SLC17A9: variants seen among roughly 807,000 people sequenced by gnomAD.
SLC17A9 encodes the protein voltage-gated purine nucleotide uniporter SLC17A9.
SLC17A9 carries 49 observed loss-of-function variants against 55.0 expected under a neutral mutation model. The observed-to-expected ratio is 0.89, with a 90% CI of 0.71 to 1.13. The LOEUF (loss-of-function observed/expected upper bound fraction) is 1.13, where lower values mean the gene tolerates loss of function less well. Among genes scored for constraint, SLC17A9 ranks in the 50% most tolerant of loss-of-function variants. The pLI, the probability that SLC17A9 is intolerant of heterozygous loss-of-function variation, is 0.00. For missense variants in SLC17A9, 526 were observed against 569.3 expected, an observed-to-expected ratio of 0.92 and a Z score of 0.77; for synonymous variants, 256 against 247.4, an observed-to-expected ratio of 1.03 and a Z score of -0.32.
Position 62,965,153 on chromosome 20 carries a change from G to C in SLC17A9, c.932G>C (p.Arg311Pro). 6.2e-7 allele frequency: 1 copy of C among 1,614,100 alleles called. No individual in the cohort carries two copies. The highest frequency in any genetic ancestry group is 8.5e-7 in the Non-Finnish European group (1 of 1,180,028). ...GTAGGTTACAGAGCCATCACGGTGC[G>C]GAAGCTCATGCAGGTAGGAGAATCA... is the stretch of plus-strand genomic sequence containing the variant. ...INQGYRAITV[R>P]KLMQGMGLGL... The change falls in exon 9 of 13, where the codon CGG becomes CCG. Residue 311 changes from arginine (R) to proline (P), a missense_variant. Physicochemically the swap from Arg to Pro is moderately radical, Grantham distance 103. Coordinates refer to ENST00000370351, the MANE Select transcript of SLC17A9 (RefSeq NM_022082.4).
chr20:62,966,370 G>A (rs1349731396), intron 10 of SLC17A9, among the ~76,000 whole-genome samples, 155 bp from the exon 11 acceptor site: 4 of 152,064 alleles, frequency 2.6e-5, no homozygotes, highest in African/African-American at 9.7e-5. Context: ...GTGGTGTGCA[G>A]GGCTGCAGTG....
At chr20:62,955,463 T>G (rs544019588) in intron 1 of SLC17A9, among the ~76,000 whole-genome samples, 13 of 151,446 alleles carry the variant, frequency 8.6e-5, no homozygotes, top group East Asian at 3.9e-4. Context: ...ATTTTTAAAG[T>G]TTTTTTTTGT....
Position 62,967,609 on chromosome 20 carries a change from G to C in SLC17A9, c.*109G>C. 3 of 977,070 alleles carry C rather than the reference G, an allele frequency of 3.1e-6. No individual in the cohort carries two copies. The allele number at this position is 977,070 out of a possible 1,614,324, so 60.5% of individuals were successfully genotyped here. On this transcript the variant is annotated 3_prime_UTR_variant, in exon 13 of 13. Coordinates refer to ENST00000370351, the MANE Select transcript of SLC17A9 (RefSeq NM_022082.4). ...CCATGTCAGACACACGAGCAGAGAG[G>C]AACACAAACCACTGTGGAGCCTGAA...
chr20:62,954,454 C>CGG (rs2065518672), intron 1 of SLC17A9, among the ~76,000 whole-genome samples: 1 of 152,242 alleles, frequency 6.6e-6, no homozygotes, highest in Non-Finnish European at 1.5e-5. Context: ...TGCTTCTGCA[C>CGG]AGGGGCCGTT....
intron 11 of SLC17A9, 47 bp downstream of exon 11, chr20:62,966,627 G>A: frequency 6.2e-7 from 1 of 1,613,824 alleles, no homozygotes; most frequent in Non-Finnish European, 8.5e-7. Flanking sequence ...TGGGCCTCCG[G>A]GTGGGTGAGC....
intron 4 of SLC17A9, 41 bp downstream of exon 4, chr20:62,960,644 G>T: frequency 6.4e-7 from 1 of 1,573,452 alleles, no homozygotes. Flanking sequence ...GAGGCCACCA[G>T]GTGAGCCCCT....
Position 62,956,805 on chromosome 20 carries a change from A to C in SLC17A9, c.100A>C (p.Thr34Pro). 1 of 1,612,866 alleles carries C rather than the reference A, an allele frequency of 6.2e-7. No homozygotes were observed. Among genetic ancestry groups the C allele is most frequent in the Non-Finnish European group, 8.5e-7 (1 of 1,179,926 alleles). Residue 34 changes from threonine to proline, a missense_variant, in exon 2 of 13, where the codon ACA (threonine) becomes CCA (proline). Physicochemically the swap from Thr to Pro is conservative, Grantham distance 38. Coordinates refer to ENST00000370351, the MANE Select transcript of SLC17A9 (RefSeq NM_022082.4). ...QAWTGTLLLG[T>P]CLLYCARSSM... is the part of the protein sequence containing the mutation. The stretch of plus-strand genomic sequence containing the variant: ...ATGGACGGGGACGCTGCTGCTGGGC[A>C]CATGCCTTCTGTACTGCGCCCGCTC...
In SLC17A9 at chr20:62,966,543, C is replaced by A; in HGVS notation, c.1080C>A (p.Ile360=). The A allele has an allele frequency of 6.2e-7, 1 of 1,614,078 alleles. No individual in the cohort carries two copies. ...CCCACAGTGGCATTTCTGTTAACATCCAGGACTTGGCCCCGTCCTGCGCCG... is the reference window on the plus strand; with the variant it reads ...CCCACAGTGGCATTTCTGTTAACATACAGGACTTGGCCCCGTCCTGCGCCG... ...TFNHSGISVN[I]QDLAPSCAGF... Residue 360 remains isoleucine, a synonymous_variant, in exon 11 of 13, where the codon ATC becomes ATA. Coordinates refer to ENST00000370351, the MANE Select transcript of SLC17A9 (RefSeq NM_022082.4).
rs565550641 is a variant in SLC17A9, at chr20:62,968,636, G to C, written c.*1136G>C. The C allele has an allele frequency of 6.7e-6, 1 of 149,908 alleles. No homozygotes were observed. Among genetic ancestry groups the C allele is most frequent in the East Asian group, 2.0e-4 (1 of 5,030 alleles). The allele number at this position is 149,908 out of a possible 1,614,324, so 9.3% of individuals were successfully genotyped here. A position where few individuals can be genotyped will look rare whatever the true frequency, so the allele number is the denominator to read the frequency against. On this transcript the variant is annotated 3_prime_UTR_variant, in exon 13 of 13. Coordinates refer to ENST00000370351, the MANE Select transcript of SLC17A9 (RefSeq NM_022082.4). The stretch of plus-strand genomic sequence containing the variant: ...TTTAACACCTTTGTTTTTTAAGAAT[G>C]AACACGTGTTAAAGACTTTCTGTAA...
intron 4 of SLC17A9, among the ~76,000 whole-genome samples, chr20:62,961,293 A>C (rs6010796): frequency 1.2e-4 from 6 of 51,810 alleles, no homozygotes; most frequent in Non-Finnish European, 7.6e-5. Flanking sequence ...AGCTGGCTGG[A>C]GGGCGGCTTG....
chr20:62,955,232 CTG>C (rs1568910166), intron 1 of SLC17A9, among the ~76,000 whole-genome samples: 4 of 151,928 alleles, frequency 2.6e-5, no homozygotes, highest in Non-Finnish European at 5.9e-5. Flanking sequence ...ACTGCAACCT[CTG>C]CCTCCCAGGT....
At chr20:62,957,703 TG>T (rs1172780672) in intron 3 of SLC17A9, 123 bp downstream of exon 3, 3 of 852,028 alleles carry the variant, frequency 3.5e-6, no homozygotes, top group Non-Finnish European at 4.9e-6. Flanking sequence ...TGTGTGTGTA[TG>T]GGCATGCCCG....
chr20:62,964,352 A>G (rs188102359), intron 8 of SLC17A9, 37 bp downstream of exon 8: 1 of 1,599,828 alleles, frequency 6.3e-7, no homozygotes. Context: ...TGGAAGCCAC[A>G]CCCTGGTTCA....
At chr20:62,957,698 GTGTA>G (rs2065549753) in intron 3 of SLC17A9, 118 bp downstream of exon 3, 1 of 918,934 alleles carries the variant, frequency 1.1e-6, no homozygotes, top group Non-Finnish European at 1.5e-6. Flanking sequence ...ACAAGTGTGT[GTGTA>G]TGGGCATGCC....
At chr20:62,961,790 T>TTGCGGTTC (rs1195281365) in intron 4 of SLC17A9, among the ~76,000 whole-genome samples, 3 of 152,224 alleles carry the variant, frequency 2.0e-5, no homozygotes, top group Admixed American at 2.0e-4. Flanking sequence ...ATTGAGTGTC[T>TTGCGGTTC]TGCGGTTTTT....
In SLC17A9 at chr20:62,957,844, C is replaced by T. The variant is rs564782590; in HGVS notation, c.397+264C>T. On this transcript the variant is annotated intron_variant, in intron 3 of 12. Coordinates refer to ENST00000370351, the MANE Select transcript of SLC17A9 (RefSeq NM_022082.4). ...ATGGGCATGCCCGCGTGCATGCGTG[C>T]ACCTGTGCGTGTGCGTGTGCAAGTG... Among the ~76,000 whole-genome samples the T allele has an allele frequency of 2.9e-3, 373 of 129,456 alleles. 21 individuals are homozygous for T. Among genetic ancestry groups the T allele is most frequent in the African/African-American group, 9.6e-3 (346 of 36,080 alleles). The allele number at this position is 129,456 out of a possible 152,430, so 84.9% of individuals were successfully genotyped here.
chr20:62,967,609 G>T lies in SLC17A9; in HGVS notation c.*109G>T. 1.0e-6 allele frequency: 1 copy of T among 977,070 alleles called. No homozygotes were observed. The highest frequency in any genetic ancestry group is 1.8e-5 in the African/African-American group (1 of 55,680). The allele number at this position is 977,070 out of a possible 1,614,324, so 60.5% of individuals were successfully genotyped here. ...CCATGTCAGACACACGAGCAGAGAG[G>T]AACACAAACCACTGTGGAGCCTGAA... On this transcript the variant is annotated 3_prime_UTR_variant, in exon 13 of 13. Coordinates refer to ENST00000370351, the MANE Select transcript of SLC17A9 (RefSeq NM_022082.4).
At chr20:62,964,670 G>A (rs956714546) in intron 8 of SLC17A9, among the ~76,000 whole-genome samples, 2 of 152,256 alleles carry the variant, frequency 1.3e-5, no homozygotes, top group Admixed American at 6.5e-5. Flanking sequence ...AGCGGGCTGC[G>A]TGTTTCTTCC....
In SLC17A9 at chr20:62,969,194, T is replaced by A. The variant is rs1023214974; in HGVS notation, c.*1694T>A. The A allele has an allele frequency of 6.6e-6, 1 of 152,242 alleles. No individual in the cohort carries two copies. The highest frequency in any genetic ancestry group is 2.1e-4 in the South Asian group (1 of 4,830). 9.4% of individuals were successfully genotyped at this position (152,242 alleles called of 1,614,324 possible). A position where few individuals can be genotyped will look rare whatever the true frequency, so the allele number is the denominator to read the frequency against. ...TGTGCGTTGTGAATGAATTGCTGTC[T>A]CTCTCCTCCTCATCTTGCACTAAAT... On this transcript the variant is annotated 3_prime_UTR_variant, in exon 13 of 13. Transcript: ENST00000370351.
Sources: allele counts gnomAD v4.1 joint callset (sites outside exome capture counted in the v4.1 genomes callset), GRCh38; gene constraint gnomAD v4.1.1; transcripts MANE v1.5; gene names NCBI Gene and HGNC (gene_info 2026-07-23, HGNC 2026-07-21).